The following FBXW7 variants were observed in gnomAD, a reference collection of about 807,000 sequenced individuals.
FBXW7 encodes the protein F-box/WD repeat-containing protein 7.
Under a neutral mutation model 86.3 loss-of-function variants are expected in FBXW7, and 11 were observed. The ratio of observed to expected loss-of-function variants is 0.13; its 90% CI spans 0.08 to 0.21. The LOEUF is 0.21. Among genes scored for constraint, FBXW7 ranks in the 10% least tolerant of loss-of-function variants. FBXW7 has a pLI of 1.00. For synonymous variants in FBXW7, 313 were observed against 297.9 expected, an observed-to-expected ratio of 1.05 and a Z score of -0.52; for missense variants, 488 against 847.4, an observed-to-expected ratio of 0.58 and a Z score of 5.27.
intron 4 of FBXW7, among the ~76,000 whole-genome samples, chr4:152,394,990 G>A (rs1736296677): frequency 6.6e-6 from 1 of 152,026 alleles, no homozygotes; most frequent in Non-Finnish European, 1.5e-5. Context: ...GAGTCACTCA[G>A]GAAGTCCTAT....
intron 7 of FBXW7, among the ~76,000 whole-genome samples, chr4:152,335,928 TTC>T (rs1730042632): frequency 6.6e-6 from 1 of 152,208 alleles, no homozygotes; most frequent in African/African-American, 2.4e-5. Flanking sequence ...TTAGTGAGAC[TTC>T]TGTCAAGCTT....
At chr4:152,525,436 T>C (rs923543872) in intron 2 of FBXW7, among the ~76,000 whole-genome samples, 4 of 152,194 alleles carry the variant, frequency 2.6e-5, no homozygotes, top group African/African-American at 7.2e-5. Context: ...CCAATAGTTA[T>C]CTTTTCTGCT....
chr4:152,477,435 C>CT (rs1349239815), intron 2 of FBXW7, among the ~76,000 whole-genome samples: 1 of 152,070 alleles, frequency 6.6e-6, no homozygotes, highest in Non-Finnish European at 1.5e-5. Context: ...ATTTGGAAAT[C>CT]TTACAAAGCC....
chr4:152,509,480 G>A (rs970682712), intron 2 of FBXW7, among the ~76,000 whole-genome samples: 2 of 151,922 alleles, frequency 1.3e-5, no homozygotes, highest in Admixed American at 6.6e-5. Flanking sequence ...AGCTAGTCTC[G>A]TCTCCTGTTA....
chr4:152,344,843 A>T (rs1475013411), intron 6 of FBXW7, among the ~76,000 whole-genome samples: 1 of 152,162 alleles, frequency 6.6e-6, no homozygotes, highest in Non-Finnish European at 1.5e-5. Flanking sequence ...CCACAGAAAA[A>T]GTAAATCTTA....
chr4:152,408,899 T>G (rs889566539), intron 4 of FBXW7, among the ~76,000 whole-genome samples: 12 of 152,170 alleles, frequency 7.9e-5, no homozygotes, highest in African/African-American at 2.9e-4. Flanking sequence ...GCTTAATAAA[T>G]AGCAATTCTT....
At chr4:152,520,229 C>T (rs1197599584) in intron 2 of FBXW7, among the ~76,000 whole-genome samples, 1 of 151,408 alleles carries the variant, frequency 6.6e-6, no homozygotes, top group Non-Finnish European at 1.5e-5. Flanking sequence ...GTCAGGAGAT[C>T]GAGACCATCC....
At chr4:152,443,543 C>T (rs753060013) in intron 2 of FBXW7, among the ~76,000 whole-genome samples, 24 of 152,116 alleles carry the variant, frequency 1.6e-4, no homozygotes, top group Non-Finnish European at 2.2e-4. Flanking sequence ...TTGTGCTTAA[C>T]GTGGCTACCC....
At chr4:152,387,714 T>TTC (rs1212429734) in intron 4 of FBXW7, among the ~76,000 whole-genome samples, 1 of 145,336 alleles carries the variant, frequency 6.9e-6, no homozygotes, top group African/African-American at 2.6e-5. Flanking sequence ...ATACCTTTTT[T>TTC]TTTTTTTTTT....
chr4:152,417,400 G>A (rs569394006), intron 2 of FBXW7, among the ~76,000 whole-genome samples: 2 of 152,138 alleles, frequency 1.3e-5, no homozygotes, highest in East Asian at 3.9e-4. Context: ...CAAAAATTTA[G>A]TCAAAAAGCT....
At chr4:152,424,655 A>G (rs1252633533) in intron 2 of FBXW7, among the ~76,000 whole-genome samples, 2 of 152,248 alleles carry the variant, frequency 1.3e-5, no homozygotes, top group Non-Finnish European at 2.9e-5. Context: ...TGCTAGAGAC[A>G]CTAGAGTTTT....
chr4:152,400,585 G>A (rs977234417), intron 4 of FBXW7, among the ~76,000 whole-genome samples: 15 of 151,750 alleles, frequency 9.9e-5, no homozygotes, highest in South Asian at 2.1e-4. Flanking sequence ...GGGCTCAAGC[G>A]ATCCTCCCAC....
Position 152,322,844 on chromosome 4 carries a change from C to A in FBXW7, c.*37G>T, listed in dbSNP as rs777039703. On this transcript the variant is annotated 3_prime_UTR_variant, in exon 14 of 14. Coordinates refer to ENST00000281708, the MANE Select transcript of FBXW7 (RefSeq NM_001349798.2). ...GCAGGGGGAAGGGCAGGGAGTATAT[C>A]GTCTACACAATTGGACAAATTCATC... 2.5e-6 allele frequency: 4 copies of A among 1,609,778 alleles called. No individual in the cohort carries two copies. Among genetic ancestry groups the A allele is most frequent in the Middle Eastern group, 1.7e-4 (1 of 6,044 alleles).
At chr4:152,477,298 C>T (rs1414338625) in intron 2 of FBXW7, among the ~76,000 whole-genome samples, 1 of 152,074 alleles carries the variant, frequency 6.6e-6, no homozygotes, top group Non-Finnish European at 1.5e-5. Context: ...TAAGAAGGAT[C>T]CAAATAAGGC....
chr4:152,384,081 T>C (rs1400002791), intron 4 of FBXW7, among the ~76,000 whole-genome samples: 2 of 152,146 alleles, frequency 1.3e-5, no homozygotes, highest in Non-Finnish European at 2.9e-5. Context: ...TTGGCGGCAA[T>C]GTGAAATGAA....
chr4:152,349,021 T>G (rs983893503), intron 5 of FBXW7, among the ~76,000 whole-genome samples: 8 of 152,196 alleles, frequency 5.3e-5, no homozygotes, highest in African/African-American at 1.9e-4. Context: ...ATTCCAATTA[T>G]GATGATTTTC....
At chr4:152,342,518 A>T (rs1730844828) in intron 6 of FBXW7, among the ~76,000 whole-genome samples, 1 of 152,234 alleles carries the variant, frequency 6.6e-6, no homozygotes, top group African/African-American at 2.4e-5. Flanking sequence ...TGACTCACAA[A>T]GCAGCATTTG....
intron 2 of FBXW7, among the ~76,000 whole-genome samples, chr4:152,469,908 G>A (rs888487299): frequency 6.6e-6 from 1 of 151,918 alleles, no homozygotes; most frequent in African/African-American, 2.4e-5. Context: ...TAAGTAACAC[G>A]CAAAATATTT....
chr4:152,362,807 A>T (rs1427272505), intron 4 of FBXW7, among the ~76,000 whole-genome samples: 1 of 146,572 alleles, frequency 6.8e-6, no homozygotes, highest in African/African-American at 2.5e-5. Context: ...AGCCTGGGCA[A>T]CAGAGTGAAA....
Sources: gnomAD v4.1 joint callset for allele counts (sites outside exome capture counted in the v4.1 genomes callset) on GRCh38, gnomAD v4.1.1 for gene constraint, MANE v1.5 for transcripts, NCBI Gene and HGNC (gene_info 2026-07-23, HGNC 2026-07-21) for gene names.